Variants in ZDHHC3 observed in about 807,000 individuals in gnomAD.
ZDHHC3 encodes the protein zDHHC palmitoyltransferase 3.
A neutral mutation model predicts 30.6 loss-of-function variants in ZDHHC3; 9 were observed. The ratio of observed to expected loss-of-function variants is 0.29; its 90% CI spans 0.18 to 0.51. The LOEUF (loss-of-function observed/expected upper bound fraction) is 0.51, where lower values mean the gene tolerates loss of function less well. Among genes scored for constraint, ZDHHC3 ranks in the 20% least tolerant of loss-of-function variants. ZDHHC3 has a pLI of 0.97. For synonymous variants in ZDHHC3, 136 were observed against 140.2 expected, an observed-to-expected ratio of 0.97 and a Z score of 0.21; for missense variants, 246 against 384.2, an observed-to-expected ratio of 0.64 and a Z score of 3.01.
rs1470199866 is a variant in ZDHHC3, at chr3:44,918,823, A to G, written c.*7866T>C. 1 of 987,454 alleles carries G rather than the reference A, an allele frequency of 1.0e-6. No individual in the cohort carries two copies. Among genetic ancestry groups the G allele is most frequent in the African/African-American group, 1.7e-5 (1 of 57,262 alleles). The allele number at this position is 987,454 out of a possible 1,614,324, so 61.2% of individuals were successfully genotyped here. Reference sequence around the variant, plus strand: ...TCTGGGTGTCGGCTGCAACTCAGCCACCAGGCCACAGAAAGGGTGTTGGGG... The same window carrying G: ...TCTGGGTGTCGGCTGCAACTCAGCCGCCAGGCCACAGAAAGGGTGTTGGGG... On this transcript the variant is annotated 3_prime_UTR_variant, in exon 7 of 7. Coordinates refer to ENST00000424952, the MANE Select transcript of ZDHHC3 (RefSeq NM_001135179.2).
rs2125769372 is a variant in ZDHHC3, at chr3:44,916,984, C to T, written c.*9705G>A. The T allele has an allele frequency of 6.6e-6, 1 of 152,304 alleles. No individual in the cohort carries two copies. Among genetic ancestry groups the T allele is most frequent in the East Asian group, 1.9e-4 (1 of 5,170 alleles). The allele number at this position is 152,304 out of a possible 1,614,324, so 9.4% of individuals were successfully genotyped here. ...ACACAGGCAGGGTTTATGGTCAGTTCTACCTACATGTGTTATTAGACTCCC... is the reference window on the plus strand; with the variant it reads ...ACACAGGCAGGGTTTATGGTCAGTTTTACCTACATGTGTTATTAGACTCCC... On this transcript the variant is annotated 3_prime_UTR_variant, in exon 7 of 7. Transcript: ENST00000424952.
At chr3:44,944,310 C>A (rs1702717568) in intron 3 of ZDHHC3, among the ~76,000 whole-genome samples, 1 of 152,180 alleles carries the variant, frequency 6.6e-6, no homozygotes, top group Admixed American at 6.5e-5. Context: ...CCACGCCCGG[C>A]TAATTTTGTA....
At chr3:44,943,961 C>A (rs542354431) in intron 3 of ZDHHC3, among the ~76,000 whole-genome samples, 1 of 152,078 alleles carries the variant, frequency 6.6e-6, no homozygotes, top group Non-Finnish European at 1.5e-5. Flanking sequence ...CAGAGTGAGA[C>A]CCAGTCTCAA....
chr3:44,926,407 T>G lies in ZDHHC3; in HGVS notation c.*282A>C. 2 of 1,160,668 alleles carry G rather than the reference T, an allele frequency of 1.7e-6. No homozygotes were observed. Among genetic ancestry groups the G allele is most frequent in the Non-Finnish European group, 2.1e-6 (2 of 942,484 alleles). The allele number at this position is 1,160,668 out of a possible 1,614,324, so 71.9% of individuals were successfully genotyped here. The stretch of plus-strand genomic sequence containing the variant: ...GAGACAGCGCCCTCTACATTAGTCA[T>G]GCCAGACAGACAGCAGAGAGAAACC... On this transcript the variant is annotated 3_prime_UTR_variant, in exon 7 of 7. Transcript: ENST00000424952.
chr3:44,931,405 A>C (rs1701473408), intron 5 of ZDHHC3, among the ~76,000 whole-genome samples: 1 of 152,068 alleles, frequency 6.6e-6, no homozygotes, highest in Non-Finnish European at 1.5e-5. Context: ...AGGAATTACC[A>C]ATGGAGTTTG....
In ZDHHC3 at chr3:44,926,044, C is replaced by A. The variant is rs9846199; in HGVS notation, c.*645G>T. 5.7e-3 allele frequency: 5,611 copies of A among 985,880 alleles called. 233 individuals are homozygous for A. The African/African-American group carries it at 0.083, about 15-fold the overall frequency. 61.1% of individuals were successfully genotyped at this position (985,880 alleles called of 1,614,324 possible). On this transcript the variant is annotated 3_prime_UTR_variant, in exon 7 of 7. Transcript: ENST00000424952. ...AGAATACAAATAAGACCTCTTTCAT[C>A]TTTCTCCCCACTCCCCCGCAAAATC... is the stretch of plus-strand genomic sequence containing the variant.
intron 2 of ZDHHC3, 37 bp from the exon 3 acceptor site, chr3:44,945,329 G>C (rs1288930606): frequency 1.2e-6 from 2 of 1,613,590 alleles, no homozygotes; most frequent in African/African-American, 1.3e-5. Context: ...GTTGGGCTGG[G>C]GGTTCTATCA....
rs1183496757 is a variant in ZDHHC3, at chr3:44,920,583, CTTG to C, written c.*6103_*6105del. On this transcript the variant is annotated 3_prime_UTR_variant, in exon 7 of 7. Coordinates refer to ENST00000424952, the MANE Select transcript of ZDHHC3 (RefSeq NM_001135179.2). ...ATGACGGTGGCCAAGGCTCATCTAG[CTTG>C]TTATGTATCAGAACTGGAACCAGAA... is the stretch of plus-strand genomic sequence containing the variant. 3.0e-6 allele frequency: 3 copies of C among 985,220 alleles called. No homozygotes were observed. Among genetic ancestry groups the C allele is most frequent in the African/African-American group, 3.5e-5 (2 of 57,226 alleles). 61.0% of individuals were successfully genotyped at this position (985,220 alleles called of 1,614,324 possible).
chr3:44,920,782 T>C lies in ZDHHC3; in HGVS notation c.*5907A>G. On this transcript the variant is annotated 3_prime_UTR_variant, in exon 7 of 7. Coordinates refer to ENST00000424952, the MANE Select transcript of ZDHHC3 (RefSeq NM_001135179.2). The stretch of plus-strand genomic sequence containing the variant: ...AGGCACTCTTGGATTATACTCAACC[T>C]CCTCACCAACCTCATAAAGTATTCC... The C allele has an allele frequency of 1.0e-6, 1 of 985,396 alleles. No individual in the cohort carries two copies. Among genetic ancestry groups the C allele is most frequent in the Non-Finnish European group, 1.2e-6 (1 of 829,934 alleles). The allele number at this position is 985,396 out of a possible 1,614,324, so 61.0% of individuals were successfully genotyped here.
chr3:44,959,697 TA>T lies in ZDHHC3; in HGVS notation c.-24-238del, dbSNP rs551579789. ...TAATAAAAAGGGAGCCTCTAAAGGG[TA>T]AATGCCTTGCCCAAGGTCAGCCAGA... On this transcript the variant is annotated intron_variant, in intron 1 of 6. Coordinates refer to ENST00000424952, the MANE Select transcript of ZDHHC3 (RefSeq NM_001135179.2). The surrounding 1 kb of genome is among the most constrained non-coding windows in gnomAD (Gnocchi z 4.3). Among the ~76,000 whole-genome samples, 28 of 152,238 alleles carry T rather than the reference TA, an allele frequency of 1.8e-4. 1 individual carries two copies. The South Asian group carries it at 5.8e-3, about 32-fold the overall frequency.
At chr3:44,954,887 C>T (rs1286226062) in intron 2 of ZDHHC3, among the ~76,000 whole-genome samples, 2 of 151,964 alleles carry the variant, frequency 1.3e-5, no homozygotes, top group Non-Finnish European at 2.9e-5. Context: ...GTGGTGAAAC[C>T]AAGAAATGAG....
chr3:44,933,720 T>C (rs1290097144), intron 4 of ZDHHC3, among the ~76,000 whole-genome samples, 168 bp downstream of exon 4: 1 of 152,132 alleles, frequency 6.6e-6, no homozygotes, highest in African/African-American at 2.4e-5. Context: ...GTGAAGGGCT[T>C]AGGTACAGGC....
chr3:44,976,018 C>T lies in ZDHHC3; in HGVS notation c.-110G>A. The T allele has an allele frequency of 2.6e-6, 1 of 388,086 alleles. No individual in the cohort carries two copies. Among genetic ancestry groups the T allele is most frequent in the Non-Finnish European group, 4.6e-6 (1 of 219,108 alleles). 24.0% of individuals were successfully genotyped at this position (388,086 alleles called of 1,614,324 possible). A position where few individuals can be genotyped will look rare whatever the true frequency, so the allele number is the denominator to read the frequency against. ...GCTGCCTTCCCCTGCAGTCCCCAACCCGGGACCCGGCCTCGGGCTTCGGCG... is the reference window on the plus strand; with the variant it reads ...GCTGCCTTCCCCTGCAGTCCCCAACTCGGGACCCGGCCTCGGGCTTCGGCG... On this transcript the variant is annotated 5_prime_UTR_variant, in exon 1 of 7. Transcript: ENST00000424952.
At chr3:44,963,055 G>A (rs1228762824) in intron 1 of ZDHHC3, among the ~76,000 whole-genome samples, 1 of 152,194 alleles carries the variant, frequency 6.6e-6, no homozygotes, top group African/African-American at 2.4e-5. Context: ...TGAGATTTGT[G>A]ATCCCAGGCC....
chr3:44,960,986 G>C (rs897017995), intron 1 of ZDHHC3, among the ~76,000 whole-genome samples: 2 of 152,248 alleles, frequency 1.3e-5, no homozygotes, highest in African/African-American at 4.8e-5. Flanking sequence ...AGAACTAATG[G>C]CTGAAAGGCA....
chr3:44,946,605 C>A (rs1299198168), intron 2 of ZDHHC3, among the ~76,000 whole-genome samples: 1 of 152,106 alleles, frequency 6.6e-6, no homozygotes, highest in East Asian at 1.9e-4. Context: ...GCCAATTAAT[C>A]AGGGGAATCA....
At chr3:44,974,817 C>G (rs1705742838) in intron 1 of ZDHHC3, among the ~76,000 whole-genome samples, 1 of 152,210 alleles carries the variant, frequency 6.6e-6, no homozygotes, top group Non-Finnish European at 1.5e-5. Context: ...CACTTCCTCT[C>G]TATAACCTTA....
chr3:44,961,540 A>C (rs1205409670), intron 1 of ZDHHC3, among the ~76,000 whole-genome samples: 1 of 152,236 alleles, frequency 6.6e-6, no homozygotes, highest in Non-Finnish European at 1.5e-5. Context: ...AATGCATTAA[A>C]AGATGCAGGC....
rs1249108338 is a variant in ZDHHC3, at chr3:44,959,576, G to A, written c.-24-116C>T. ...CTTATCTGCAACCCCTGTGTGCAAA[G>A]CCACCTAATCACCTTGTTCATTTAA... On this transcript the variant is annotated intron_variant, in intron 1 of 6. Transcript: ENST00000424952. The surrounding 1 kb of genome is among the most constrained non-coding windows in gnomAD (Gnocchi z 4.3). 1 of 785,930 alleles carries A rather than the reference G, an allele frequency of 1.3e-6. No homozygotes were observed. The highest frequency in any genetic ancestry group is 1.7e-5 in the African/African-American group (1 of 57,612). The allele number at this position is 785,930 out of a possible 1,614,324, so 48.7% of individuals were successfully genotyped here. A position where few individuals can be genotyped will look rare whatever the true frequency, so the allele number is the denominator to read the frequency against.
Sources: allele counts gnomAD v4.1 joint callset (sites outside exome capture counted in the v4.1 genomes callset), GRCh38; gene constraint gnomAD v4.1.1; non-coding constraint Gnocchi (gnomAD v3.1); transcripts MANE v1.5; gene names NCBI Gene and HGNC (gene_info 2026-07-23, HGNC 2026-07-21).